LRRC37A2: variants seen among roughly 807,000 people sequenced by gnomAD.
LRRC37A2 encodes the protein leucine-rich repeat-containing protein 37A2.
In LRRC37A2, 9 loss-of-function variants were observed where a neutral mutation model predicts 68.8. The observed-to-expected ratio is 0.13, with a 90% confidence interval of 0.08 to 0.23. The LOEUF (loss-of-function observed/expected upper bound fraction) is 0.23. Among genes scored for constraint, LRRC37A2 ranks in the 10% least tolerant of loss-of-function variants. The pLI is 1.00. For missense variants in LRRC37A2, 168 were observed against 950.4 expected (o/e 0.18, Z 10.82); for synonymous variants, 63 against 367.6 (o/e 0.17, Z 9.48).
At chr17:46,727,438 T>C in the LRRC37A2 span, among the ~76,000 whole-genome samples, 1 of 152,200 alleles carries the variant, frequency 6.6e-6, no homozygotes, top group East Asian at 1.9e-4. Context: ...CTGAAAATAC[T>C]ACCCAGTGTC....
At chr17:46,823,560 C>CTCCT in the LRRC37A2 span, among the ~76,000 whole-genome samples, 12 of 151,998 alleles carry the variant, frequency 7.9e-5, no homozygotes, top group African/African-American at 2.9e-4. Flanking sequence ...CTGCCTCCGC[C>CTCCT]GCTCAAGTAG....
At chr17:46,889,003 C>G in the LRRC37A2 span, among the ~76,000 whole-genome samples, 1 of 152,168 alleles carries the variant, frequency 6.6e-6, no homozygotes, top group Admixed American at 6.5e-5. Context: ...TAGCCCCTTA[C>G]TGACCCTAAA....
At chr17:46,952,826 C>T in the LRRC37A2 span, 2 of 152,142 alleles carry the variant, frequency 1.3e-5, no homozygotes, top group African/African-American at 4.8e-5. Flanking sequence ...CCTTTTCCTA[C>T]TTAAGCTGGT....
chr17:46,533,287 C>T lies in LRRC37A2; in HGVS notation c.2907-6889C>T, dbSNP rs1010301640. 1.5e-3 allele frequency among the ~76,000 whole-genome samples: 142 copies of T among 92,224 alleles called. 1 individual carries two copies. Among genetic ancestry groups the T allele is most frequent in the Non-Finnish European group, 2.2e-3 (114 of 50,974 alleles). 60.5% of individuals were successfully genotyped at this position (92,224 alleles called of 152,430 possible). A position where few individuals can be genotyped will look rare whatever the true frequency, so the allele number is the denominator to read the frequency against. ...TTTTAGTTAGCCGAGTGTGGTGGTG[C>T]GCACCTGTAGTCTCAGCTACATCTT... On this transcript the variant is annotated intron_variant, in intron 6 of 14. Coordinates refer to ENST00000576629, the Ensembl canonical transcript of LRRC37A2.
At chr17:47,024,844 A>G in the LRRC37A2 span, 8 of 620,264 alleles carry the variant, frequency 1.3e-5, no homozygotes, top group Non-Finnish European at 2.3e-5. Context: ...GATTTCTTTG[A>G]GCAATAAAAT....
chr17:46,755,988 C>A, the LRRC37A2 span: 1 of 639,072 alleles, frequency 1.6e-6, no homozygotes, highest in Non-Finnish European at 2.6e-6. Flanking sequence ...CTTCCTTATG[C>A]ATACTGAGAT....
the LRRC37A2 span, among the ~76,000 whole-genome samples, chr17:46,586,380 TCACACA>T: frequency 4.6e-4 from 8 of 17,424 alleles, 1 homozygote; most frequent in Non-Finnish European, 1.7e-3. Context: ...TCTCTCTCTG[TCACACA>T]CACACACACA....
the LRRC37A2 span, chr17:46,875,275 C>T: frequency 1.2e-6 from 2 of 1,614,200 alleles, no homozygotes; most frequent in South Asian, 1.1e-5. Flanking sequence ...AAGTACAGCA[C>T]CAAGTTTCTG....
At chr17:46,724,853 G>A in the LRRC37A2 span, among the ~76,000 whole-genome samples, 1 of 151,988 alleles carries the variant, frequency 6.6e-6, no homozygotes, top group Non-Finnish European at 1.5e-5. Context: ...ATTTCTTCTT[G>A]AAGATGGCTT....
At chr17:46,938,943 G>A in the LRRC37A2 span, 3 of 1,494,172 alleles carry the variant, frequency 2.0e-6, no homozygotes, top group Admixed American at 2.0e-5. Context: ...TCTTGGAGGG[G>A]GAGCTAGTGC....
At chr17:46,713,401 A>T in the LRRC37A2 span, 1 of 156,308 alleles carries the variant, frequency 6.4e-6, no homozygotes, top group South Asian at 1.9e-4. Context: ...AGAAGGCCTG[A>T]GTCTTTAGAA....
chr17:46,553,266 C>T (rs62073353), intron 11 of LRRC37A2, 134 bp from the exon 11 acceptor site: 269,778 of 1,163,560 alleles, frequency 0.23, 78,470 homozygotes, highest in South Asian at 0.53. Context: ...TGTTACACAG[C>T]ATACAATTCC....
chr17:46,925,892 A>C, the LRRC37A2 span, among the ~76,000 whole-genome samples: 1 of 152,230 alleles, frequency 6.6e-6, no homozygotes, highest in African/African-American at 2.4e-5. Flanking sequence ...TTTTACACTT[A>C]AATGTTTAAT....
At chr17:46,691,363 G>A in the LRRC37A2 span, among the ~76,000 whole-genome samples, 1 of 102,948 alleles carries the variant, frequency 9.7e-6, no homozygotes, top group Non-Finnish European at 1.9e-5. Context: ...GGGAGGCTGC[G>A]CTGAGTGAAT....
chr17:46,891,678 T>C, the LRRC37A2 span, among the ~76,000 whole-genome samples: 1 of 152,184 alleles, frequency 6.6e-6, no homozygotes, highest in African/African-American at 2.4e-5. Flanking sequence ...CCGTTCCACA[T>C]GACCTGACAG....
the LRRC37A2 span, among the ~76,000 whole-genome samples, chr17:46,492,689 GTTTTTTTTTTT>G: frequency 9.3e-6 from 1 of 107,840 alleles, no homozygotes. Context: ...GTTTTGTTTT[GTTTTTTTTTTT>G]TTTTTTTTTT....
the LRRC37A2 span, among the ~76,000 whole-genome samples, chr17:46,988,427 G>A: frequency 6.6e-6 from 1 of 152,194 alleles, no homozygotes; most frequent in South Asian, 2.1e-4. Flanking sequence ...TGCACAAATT[G>A]CCAAAATTGC....
chr17:46,922,794 T>G, the LRRC37A2 span: 1 of 215,636 alleles, frequency 4.6e-6, no homozygotes, highest in African/African-American at 2.3e-5. Flanking sequence ...TGGTTTAAAG[T>G]GAAGCCAAGC....
At chr17:46,957,572 C>T in the LRRC37A2 span, among the ~76,000 whole-genome samples, 1 of 152,094 alleles carries the variant, frequency 6.6e-6, no homozygotes, top group African/African-American at 2.4e-5. Context: ...GAGATCATGC[C>T]ACTGCACTCC....
Sources: allele counts gnomAD v4.1 joint callset (sites outside exome capture counted in the v4.1 genomes callset), GRCh38; gene constraint gnomAD v4.1.1; transcripts MANE v1.5; gene names NCBI Gene and HGNC (gene_info 2026-07-23, HGNC 2026-07-21).